The following ENPP3 variants were observed in gnomAD, a reference collection of about 807,000 sequenced individuals.
ENPP3 encodes the protein ectonucleotide pyrophosphatase/phosphodiesterase 3.
ENPP3 carries 104 observed loss-of-function variants against 117.8 expected under a neutral mutation model. That is an observed-to-expected ratio of 0.88 (90% CI 0.75 to 1.04). The LOEUF (loss-of-function observed/expected upper bound fraction) is 1.04, where lower values mean the gene tolerates loss of function less well. ENPP3 is among the 50% of genes least tolerant of loss of function. The pLI, the probability that ENPP3 is intolerant of heterozygous loss-of-function variation, is 0.00. For synonymous variants in ENPP3, 380 were observed against 349.9 expected (o/e 1.09, Z -0.96); for missense variants, 1,026 against 1,051.9 (o/e 0.98, Z 0.34).
rs764039454 is a variant in ENPP3, at chr6:131,737,318, T to C, written c.2090-37T>C. On this transcript the variant is annotated intron_variant, in intron 21 of 24. Transcript: ENST00000357639. The stretch of plus-strand genomic sequence containing the variant: ...GTTGTGCAGTATGTCATATTTTCTC[T>C]TATAGCTAGATCTAATAAGATCCAT... The C allele has an allele frequency of 2.3e-6, 3 of 1,327,420 alleles. No homozygotes were observed. The East Asian group carries it at 6.9e-5, about 31-fold the overall frequency. 82.2% of individuals were successfully genotyped at this position (1,327,420 alleles called of 1,614,324 possible).
intron 15 of ENPP3, among the ~76,000 whole-genome samples, chr6:131,717,404 G>A (rs1443537935): frequency 2.8e-5 from 3 of 107,776 alleles, no homozygotes; most frequent in Non-Finnish European, 3.8e-5. Context: ...GTGTGTGTGT[G>A]TATTTGCCCT....
At chr6:131,650,204 A>G (rs904475960) in intron 3 of ENPP3, 55 bp downstream of exon 3, 63 of 1,594,578 alleles carry the variant, frequency 4.0e-5, no homozygotes, top group Non-Finnish European at 5.2e-5. Context: ...CTATTAATAC[A>G]TGTCAAATTT....
At chr6:131,688,086 A>G (rs1779192800) in intron 14 of ENPP3, among the ~76,000 whole-genome samples, 1 of 152,240 alleles carries the variant, frequency 6.6e-6, no homozygotes, top group Non-Finnish European at 1.5e-5. Flanking sequence ...TTCTCACAGT[A>G]CTTCAAATTT....
intron 6 of ENPP3, among the ~76,000 whole-genome samples, chr6:131,668,488 T>A (rs1778670184): frequency 6.6e-6 from 1 of 152,132 alleles, no homozygotes; most frequent in Non-Finnish European, 1.5e-5. Context: ...ATCCTGGGAT[T>A]ACAGACGTGA....
At chr6:131,639,519 G>T (rs991071558) in intron 1 of ENPP3, among the ~76,000 whole-genome samples, 3 of 151,692 alleles carry the variant, frequency 2.0e-5, no homozygotes, top group Admixed American at 2.0e-4. Flanking sequence ...TCCCTTCTTT[G>T]TATCTCTCTA....
chr6:131,746,144 C>T (rs1780631363), intron 24 of ENPP3, among the ~76,000 whole-genome samples: 1 of 151,804 alleles, frequency 6.6e-6, no homozygotes, highest in South Asian at 2.1e-4. Flanking sequence ...TTAATATATC[C>T]TAGAAACTCA....
At chr6:131,638,958 G>T (rs550493295) in intron 1 of ENPP3, among the ~76,000 whole-genome samples, 1 of 151,710 alleles carries the variant, frequency 6.6e-6, no homozygotes, top group African/African-American at 2.4e-5. Flanking sequence ...CAGTGCACTA[G>T]CCTGTTTCAA....
At chr6:131,694,237 C>A (rs1779352616) in intron 15 of ENPP3, among the ~76,000 whole-genome samples, 1 of 152,072 alleles carries the variant, frequency 6.6e-6, no homozygotes, top group Non-Finnish European at 1.5e-5. Flanking sequence ...CTTAAATAAC[C>A]AATTAATCCA....
intron 21 of ENPP3, among the ~76,000 whole-genome samples, chr6:131,735,388 C>A (rs913526666): frequency 1.3e-5 from 2 of 151,954 alleles, no homozygotes; most frequent in African/African-American, 4.8e-5. Context: ...CTACAAACAC[C>A]ATATGAAATC....
intron 5 of ENPP3, among the ~76,000 whole-genome samples, chr6:131,654,120 T>TATC (rs1162748809): frequency 6.8e-6 from 1 of 148,094 alleles, no homozygotes; most frequent in Non-Finnish European, 1.5e-5. Flanking sequence ...TTATTATTAT[T>TATC]ATTATTATTA....
chr6:131,743,193 C>T (rs67626389), intron 24 of ENPP3, among the ~76,000 whole-genome samples: 30,943 of 150,776 alleles, frequency 0.21, 3,496 homozygotes, highest in African/African-American at 0.29. Flanking sequence ...GAAATGTATA[C>T]GATAGATTAT....
At chr6:131,645,881 G>A (rs1007526411) in intron 2 of ENPP3, among the ~76,000 whole-genome samples, 1 of 152,032 alleles carries the variant, frequency 6.6e-6, no homozygotes, top group African/African-American at 2.4e-5. Flanking sequence ...TTTGCCCTGG[G>A]AAACTTGGTG....
At chr6:131,645,116 C>T (rs1214068514) in intron 2 of ENPP3, among the ~76,000 whole-genome samples, 2 of 152,232 alleles carry the variant, frequency 1.3e-5, no homozygotes, top group Admixed American at 6.5e-5. Context: ...CCAACCTATG[C>T]CCTCTCTTGG....
chr6:131,733,726 T>C lies in ENPP3; in HGVS notation c.2089+3T>C. ...CCACGGCTTCCTCTATCCTCCTGGT[T>C]AGTAGAACTCTTTTTTAGAGCAGTA... On this transcript the variant is annotated splice_donor_region_variant and intron_variant, in intron 21 of 24. Coordinates refer to ENST00000357639, the MANE Select transcript of ENPP3 (RefSeq NM_005021.5). 6.2e-7 allele frequency: 1 copy of C among 1,613,784 alleles called. No homozygotes were observed. The highest frequency in any genetic ancestry group is 8.5e-7 in the Non-Finnish European group (1 of 1,179,732).
At chr6:131,670,810 G>A (rs1314999576) in intron 6 of ENPP3, among the ~76,000 whole-genome samples, 3 of 152,136 alleles carry the variant, frequency 2.0e-5, no homozygotes, top group Non-Finnish European at 4.4e-5. Context: ...ATTTTTAAAT[G>A]GTTGGAAGAA....
intron 11 of ENPP3, among the ~76,000 whole-genome samples, chr6:131,679,420 C>T (rs960799457): frequency 1.5e-4 from 22 of 151,616 alleles, no homozygotes; most frequent in African/African-American, 4.6e-4. Flanking sequence ...AACTGTTAGC[C>T]GTGTTTGATA....
intron 6 of ENPP3, among the ~76,000 whole-genome samples, chr6:131,661,484 G>A (rs182357672): frequency 4.0e-5 from 6 of 151,776 alleles, no homozygotes; most frequent in Admixed American, 2.6e-4. Flanking sequence ...TAGAGATGAG[G>A]TCTTGCTATG....
intron 6 of ENPP3, among the ~76,000 whole-genome samples, chr6:131,664,902 G>A (rs1443437576): frequency 6.6e-6 from 1 of 152,090 alleles, no homozygotes; most frequent in Non-Finnish European, 1.5e-5. Context: ...ATGTATCCCT[G>A]TCTTTAAGCA....
At chr6:131,739,086 A>G (rs771019352) in intron 23 of ENPP3, among the ~76,000 whole-genome samples, 11 of 152,200 alleles carry the variant, frequency 7.2e-5, no homozygotes, top group Non-Finnish European at 1.5e-4. Flanking sequence ...TACCCTAGTT[A>G]GGTTCCATTA....
Sources: allele counts gnomAD v4.1 joint callset (sites outside exome capture counted in the v4.1 genomes callset), GRCh38; gene constraint gnomAD v4.1.1; transcripts MANE v1.5; gene names NCBI Gene and HGNC (gene_info 2026-07-23, HGNC 2026-07-21).